Variants in NEXN observed in about 807,000 individuals in gnomAD.
NEXN encodes the protein nexilin.
In NEXN, 65 loss-of-function variants were observed where a neutral mutation model predicts 92.6. The observed-to-expected ratio is 0.70, with a 90% confidence interval of 0.57 to 0.86. NEXN has a LOEUF of 0.86. Ranked by LOEUF, NEXN falls within the 40% of genes least tolerant of loss-of-function variation. The pLI is 0.00. For synonymous variants in NEXN, 254 were observed against 242.5 expected, an observed-to-expected ratio of 1.05 and a Z score of -0.44; for missense variants, 778 against 771.1, an observed-to-expected ratio of 1.01 and a Z score of -0.11.
At chr1:77,939,204 T>G (rs1651047727) in intron 11 of NEXN, among the ~76,000 whole-genome samples, 1 of 152,198 alleles carries the variant, frequency 6.6e-6, no homozygotes, top group African/African-American at 2.4e-5. Context: ...CTACCATTAC[T>G]TCAGGATATC....
intron 1 of NEXN, among the ~76,000 whole-genome samples, chr1:77,891,065 A>G (rs553958503): frequency 1.7e-4 from 26 of 152,288 alleles, no homozygotes; most frequent in African/African-American, 6.3e-4. Flanking sequence ...ATAGTTACAT[A>G]TTATATACAT....
intron 1 of NEXN, among the ~76,000 whole-genome samples, chr1:77,911,555 G>A (rs2102073281): frequency 6.6e-6 from 1 of 151,994 alleles, no homozygotes; most frequent in East Asian, 1.9e-4. Context: ...TTGCACCATT[G>A]CACTCCAGCC....
At chr1:77,900,590 AT>A (rs1236593882) in intron 1 of NEXN, among the ~76,000 whole-genome samples, 1 of 152,148 alleles carries the variant, frequency 6.6e-6, no homozygotes, top group Non-Finnish European at 1.5e-5. Context: ...AGCTTTTTTG[AT>A]AAATTGTGTA....
chr1:77,938,716 C>T (rs1283849537), intron 11 of NEXN, among the ~76,000 whole-genome samples: 1 of 149,532 alleles, frequency 6.7e-6, no homozygotes, highest in African/African-American at 2.5e-5. Context: ...ATATGTTTAA[C>T]AGGGCCAAGA....
intron 12 of NEXN, 58 bp from the exon 13 acceptor site, chr1:77,942,402 TA>T: frequency 1.3e-6 from 2 of 1,567,770 alleles, no homozygotes; most frequent in Non-Finnish European, 1.8e-6. Flanking sequence ...AAATTGTTAC[TA>T]AATCGCTGCC....
At chr1:77,936,102 G>A in intron 11 of NEXN, 58 bp downstream of exon 11, 1 of 1,295,596 alleles carries the variant, frequency 7.7e-7, no homozygotes, top group Non-Finnish European at 1.1e-6. Context: ...AAATTTAACA[G>A]AAGTAACATT....
intron 9 of NEXN, among the ~76,000 whole-genome samples, chr1:77,929,744 T>C (rs1650142162): frequency 6.6e-6 from 1 of 152,222 alleles, no homozygotes; most frequent in Non-Finnish European, 1.5e-5. Flanking sequence ...GATGGAATAT[T>C]ATCTCCCTTC....
intron 10 of NEXN, 110 bp from the exon 11 acceptor site, chr1:77,935,713 G>T: frequency 1.1e-6 from 1 of 908,594 alleles, no homozygotes; most frequent in South Asian, 1.5e-5. Context: ...AGCTCCTTGG[G>T]AAGCTGAGGC....
chr1:77,916,019 A>C (rs1206902006), intron 1 of NEXN, 36 bp from the exon 2 acceptor site: 1 of 730,466 alleles, frequency 1.4e-6, no homozygotes, highest in Non-Finnish European at 1.9e-6. Context: ...ATTACAAATA[A>C]ATTAAAATTT....
chr1:77,926,639 G>C, intron 7 of NEXN, 28 bp downstream of exon 7: 1 of 1,613,846 alleles, frequency 6.2e-7, no homozygotes, highest in Non-Finnish European at 8.5e-7. Context: ...TGTTTTCTAA[G>C]AAACAAATCA....
At position 77,943,635 on chromosome 1, in the gene NEXN, A is replaced by G. The variant is rs1651595450; in HGVS notation, c.*806A>G. On this transcript the variant is annotated 3_prime_UTR_variant, in exon 13 of 13. Coordinates refer to ENST00000334785, the MANE Select transcript of NEXN (RefSeq NM_144573.4). ...TTTATGTTGTGATCTTGCCTGAACA[A>G]ATTATATTTTAATGAAAAAACTTTC... The G allele has an allele frequency of 6.6e-6, 1 of 152,102 alleles. No individual in the cohort carries two copies. The highest frequency in any genetic ancestry group is 1.5e-5 in the Non-Finnish European group (1 of 67,948). The allele number at this position is 152,102 out of a possible 1,614,324, so 9.4% of individuals were successfully genotyped here. A position where few individuals can be genotyped will look rare whatever the true frequency, so the allele number is the denominator to read the frequency against.
intron 5 of NEXN, among the ~76,000 whole-genome samples, chr1:77,923,952 A>C (rs1231189120): frequency 6.6e-6 from 1 of 151,934 alleles, no homozygotes; most frequent in Non-Finnish European, 1.5e-5. Flanking sequence ...CTGGGATTAT[A>C]GGCGTGAGCC....
chr1:77,910,293 TTCTA>T (rs1351364923), intron 1 of NEXN, among the ~76,000 whole-genome samples: 1 of 152,194 alleles, frequency 6.6e-6, no homozygotes, highest in Non-Finnish European at 1.5e-5. Flanking sequence ...CTCTTACCAC[TTCTA>T]TCTAACATTG....
rs554889127 is a variant in NEXN at position 77,893,316 on chromosome 1, A to C, written c.-53+4557A>C. On this transcript the variant is annotated intron_variant, in intron 1 of 12. Transcript: ENST00000334785. ...TGGAGCCAGAGATCCAGGTCTTCCT[A>C]TTCCCAGCTGTGTCCTTCAATGAAA... Among the ~76,000 whole-genome samples the C allele has an allele frequency of 3.9e-5, 6 of 152,170 alleles. No individual in the cohort carries two copies. The South Asian group carries it at 1.2e-3, about 32-fold the overall frequency.
At chr1:77,935,554 C>T (rs1650681202) in intron 10 of NEXN, among the ~76,000 whole-genome samples, 1 of 152,134 alleles carries the variant, frequency 6.6e-6, no homozygotes, top group African/African-American at 2.4e-5. Context: ...TAAATTTGGA[C>T]CCTGCATTTA....
intron 5 of NEXN, 73 bp from the exon 6 acceptor site, chr1:77,925,115 T>G: frequency 1.1e-6 from 1 of 944,320 alleles, no homozygotes; most frequent in Admixed American, 2.0e-5. Flanking sequence ...ACTAAATTAC[T>G]TTCCAGTTGT....
chr1:77,900,748 G>C (rs776218945), intron 1 of NEXN, among the ~76,000 whole-genome samples: 2 of 152,060 alleles, frequency 1.3e-5, no homozygotes, highest in Non-Finnish European at 2.9e-5. Flanking sequence ...CAAACTCTTA[G>C]AACCACCTGT....
At chr1:77,899,561 TGAC>T (rs1183695055) in intron 1 of NEXN, among the ~76,000 whole-genome samples, 1 of 152,034 alleles carries the variant, frequency 6.6e-6, no homozygotes, top group Non-Finnish European at 1.5e-5. Context: ...TAATGCTAAA[TGAC>T]GAGTTAATGG....
In NEXN at chr1:77,929,463, G is replaced by A; in HGVS notation, c.1012G>A (p.Glu338Lys). 1 of 1,613,262 alleles carries A rather than the reference G, an allele frequency of 6.2e-7. No individual in the cohort carries two copies. The highest frequency in any genetic ancestry group is 8.5e-7 in the Non-Finnish European group (1 of 1,179,692). ...AGAAGAAGAAGCCAGAAGGAGAATA[G>A]AGGAAGAAAAGAAGGCGTTTGCTGA... ...KAEEEARRRI[E>K]EEKKAFAEAR... Residue 338 changes from glutamate (E) to lysine (K), a missense_variant, in exon 9 of 13, where the codon GAG (glutamate) becomes AAG (lysine). Around this residue, in one of 3 missense-constraint regions of NEXN, gnomAD observed 532 missense variants for 476.7 expected, o/e 1.12. Transcript: ENST00000334785.
Sources: gnomAD v4.1 joint callset for allele counts (sites outside exome capture counted in the v4.1 genomes callset) on GRCh38, gnomAD v4.1.1 for gene constraint, gnomAD v4.1.1 regional missense constraint, MANE v1.5 for transcripts, NCBI Gene and HGNC (gene_info 2026-07-23, HGNC 2026-07-21) for gene names.